The following CFAP65 variants were observed in gnomAD, a reference collection of about 807,000 sequenced individuals.
The protein encoded by CFAP65 is cilia- and flagella-associated protein 65.
In CFAP65, 155 loss-of-function variants were observed where a neutral mutation model predicts 208.0. That is an observed-to-expected ratio of 0.75 (90% confidence interval 0.65 to 0.85). The LOEUF (loss-of-function observed/expected upper bound fraction) is 0.85. Among genes scored for constraint, CFAP65 ranks in the 40% least tolerant of loss-of-function variants. CFAP65 has a pLI of 0.00. For missense variants in CFAP65, 2,294 were observed against 2,451.3 expected (o/e 0.94, Z 1.36); for synonymous variants, 970 against 986.3 (o/e 0.98, Z 0.31).
chr2:219,004,935 T>TTTTCTTTC lies in CFAP65; in HGVS notation c.5052-488_5052-481dup, dbSNP rs61214924. On this transcript the variant is annotated intron_variant, in intron 32 of 34. Coordinates refer to ENST00000341552, the MANE Select transcript of CFAP65 (RefSeq NM_194302.4). This position sits in a 1 kb window ranked among gnomAD's most constrained non-coding sequence, Gnocchi z 4.7. ...TCTTTCTCTCTCTTTCTCTCCTCTTTTTTCTTTCTTTCTTTCTTTCTTTCT... is the reference window on the plus strand; with the variant it reads ...TCTTTCTCTCTCTTTCTCTCCTCTTTTTTCTTTCTTTCTTTCTTTCTTTCTTTCTTTCT... Among the ~76,000 whole-genome samples, 4,298 of 149,096 alleles carry TTTTCTTTC rather than the reference T, an allele frequency of 0.029. 90 individuals are homozygous for TTTTCTTTC. The highest frequency in any genetic ancestry group is 0.043 in the African/African-American group (1,686 of 39,124).
chr2:219,006,127 G>C lies in CFAP65; in HGVS notation c.4816C>G (p.Pro1606Ala). ...AGGCAGAGCATGCCTGGCGAGGGTG[G>C]CTGGGGGCAGGGCCAGGACACCTCC... ...KEEVSWPCPQ[P>A]PSPGMLCLGL... is the part of the protein sequence containing the mutation. Residue 1606 changes from proline (P) to alanine (A), a missense_variant, in exon 31 of 35, where the codon CCA becomes GCA. This residue lies in a region of CFAP65 where 1,427 missense variants were observed against 1,438.7 expected (regional missense o/e 0.99). Transcript: ENST00000341552. 6.2e-7 allele frequency: 1 copy of C among 1,613,732 alleles called. No homozygotes were observed. The highest frequency in any genetic ancestry group is 8.5e-7 in the Non-Finnish European group (1 of 1,180,016).
At position 219,006,147 on chromosome 2, in the gene CFAP65, ACCTCC is replaced by A; in HGVS notation, c.4791_4795del (p.Glu1597AspfsTer31). Reference sequence around the variant, plus strand: ...GGGTGGCTGGGGGCAGGGCCAGGACACCTCCTCCTTTGGGGTCTGCAGTTTCCAGC... The same window carrying A: ...GGGTGGCTGGGGGCAGGGCCAGGACATCCTTTGGGGTCTGCAGTTTCCAGC... On this transcript the variant is annotated frameshift_variant, in exon 31 of 35. Transcript: ENST00000341552. LOFTEE classifies it high-confidence loss of function. The A allele has an allele frequency of 1.2e-6, 2 of 1,613,258 alleles. No homozygotes were observed. The highest frequency in any genetic ancestry group is 8.5e-7 in the Non-Finnish European group (1 of 1,179,846).
intron 28 of CFAP65, 84 bp downstream of exon 28, chr2:219,009,263 T>A: frequency 6.9e-7 from 1 of 1,449,798 alleles, no homozygotes; most frequent in South Asian, 1.1e-5. Flanking sequence ...TGCTGGGGTC[T>A]GGGGATCTCA....
rs1947994820 is a variant in CFAP65 at position 219,031,127 on chromosome 2, T to C, written c.994A>G (p.Ser332Gly). 5.6e-6 allele frequency: 9 copies of C among 1,596,982 alleles called. No individual in the cohort carries two copies. Among genetic ancestry groups the C allele is most frequent in the Non-Finnish European group, 6.8e-6 (8 of 1,171,752 alleles). Residue 332 changes from serine to glycine, a missense_variant, in exon 8 of 35, where the codon AGC (serine) becomes GGC (glycine). Coordinates refer to ENST00000341552, the MANE Select transcript of CFAP65 (RefSeq NM_194302.4). The surrounding 1 kb of genome is among the most constrained non-coding windows in gnomAD (Gnocchi z 5.2). ...WYGAGSRQRSSIQLQAVAKCA... is the reference protein window; with the variant it reads ...WYGAGSRQRSGIQLQAVAKCA... ...TCACCCACAGCCTGCAGCTGGATGC[T>C]GCTCCTCTGCCGGCTGCCCGCCCCG...
rs540843457 is a variant in CFAP65, at chr2:219,002,947, T to C, written c.5768A>G (p.Asp1923Gly). The C allele has an allele frequency of 2.7e-5, 42 of 1,565,358 alleles. No homozygotes were observed. In the East Asian group the frequency reaches 9.3e-4, roughly 35 times the overall value. The part of the protein sequence containing the change: ...VLHPVVPLPT[D>G]LP ...GCTGGGCGCGGGCATTTACGGAAGG[T>C]CGGTAGGAAGTGGCACCACCGGGTG... The change falls in exon 35 of 35, where the codon GAC becomes GGC. Residue 1923 changes from aspartate to glycine, a missense_variant. Physicochemically the swap from Asp to Gly is moderately conservative, Grantham distance 94. Transcript: ENST00000341552. The surrounding 1 kb of genome is among the most constrained non-coding windows in gnomAD (Gnocchi z 7.9).
chr2:219,031,293 G>A lies in CFAP65; in HGVS notation c.828C>T (p.Thr276=). ...FCLDNVGDLP[T]FFTWEFSSPF... ...GGCTGGAGAACTCCCAGGTGAAGAA[G>A]GTGGGCAGGTCCCTGGGGGTGGGGG... Residue 276 remains threonine (T), a synonymous_variant, in exon 8 of 35, where the codon ACC becomes ACT. Coordinates refer to ENST00000341552, the MANE Select transcript of CFAP65 (RefSeq NM_194302.4). This position sits in a 1 kb window ranked among gnomAD's most constrained non-coding sequence, Gnocchi z 5.2. The A allele has an allele frequency of 1.2e-6, 2 of 1,613,808 alleles. No homozygotes were observed. Among genetic ancestry groups the A allele is most frequent in the South Asian group, 2.2e-5 (2 of 91,064 alleles).
rs763055992 is a variant in CFAP65 at position 219,019,542 on chromosome 2, G to C, written c.3437C>G (p.Pro1146Arg). 44 of 1,613,106 alleles carry C rather than the reference G, an allele frequency of 2.7e-5. No homozygotes were observed. Among genetic ancestry groups the C allele is most frequent in the Admixed American group, 6.7e-5 (4 of 60,012 alleles). The change falls in exon 20 of 35, where the codon CCC (proline) becomes CGC (arginine). Residue 1146 changes from proline to arginine, a missense_variant. This residue lies in a region of CFAP65 where 1,427 missense variants were observed against 1,438.7 expected (regional missense o/e 0.99). Coordinates refer to ENST00000341552, the MANE Select transcript of CFAP65 (RefSeq NM_194302.4). The stretch of plus-strand genomic sequence containing the variant: ...GGGCACCTTGTAGGTGAGCTCACAG[G>C]GGGTGGGGTCACGCTCCAAGTAACT... ...LNSYLERDPT[P>R]CELTYKVPTR...
chr2:219,006,408 A>G, intron 30 of CFAP65, 57 bp downstream of exon 30: 1 of 1,598,522 alleles, frequency 6.3e-7, no homozygotes, highest in Non-Finnish European at 8.6e-7. Flanking sequence ...CTCTGGGAGC[A>G]AGCAAGGACC....
Position 219,010,934 on chromosome 2 carries a change from C to G in CFAP65, c.4020G>C (p.Leu1340=). ...PVTYEVQTDV[L]SQVQEKNFDH... The stretch of plus-strand genomic sequence containing the variant: ...CAAAATTTTTTTCCTGAACCTGTGA[C>G]AGGACATCGGTCTGGACCTCATATG... The change falls in exon 25 of 35, where the codon CTG becomes CTC. Residue 1340 remains leucine, a synonymous_variant. Transcript: ENST00000341552. The G allele has an allele frequency of 6.2e-7, 1 of 1,613,930 alleles. No individual in the cohort carries two copies. The highest frequency in any genetic ancestry group is 1.7e-5 in the Admixed American group (1 of 60,034).
chr2:219,009,848 G>A, intron 27 of CFAP65, 94 bp downstream of exon 27: 1 of 1,087,816 alleles, frequency 9.2e-7, no homozygotes, highest in Non-Finnish European at 1.2e-6. Flanking sequence ...TGTGGGGTGG[G>A]ATGGGATGGA....
chr2:219,003,086 G>T lies in CFAP65; in HGVS notation c.5693+49C>A. The T allele has an allele frequency of 6.5e-7, 1 of 1,546,388 alleles. No homozygotes were observed. Among genetic ancestry groups the T allele is most frequent in the South Asian group, 1.2e-5 (1 of 83,966 alleles). The stretch of plus-strand genomic sequence containing the variant: ...CTTCGGGCAGAGCCTGGCTGCCCCC[G>T]TGGCCCCTCTCGCGCGGTCTGCGCG... On this transcript the variant is annotated intron_variant, in intron 34 of 34. Coordinates refer to ENST00000341552, the MANE Select transcript of CFAP65 (RefSeq NM_194302.4). This position sits in a 1 kb window ranked among gnomAD's most constrained non-coding sequence, Gnocchi z 4.4.
rs746287779 is a variant in CFAP65, at chr2:219,003,986, C to T, written c.5521G>A (p.Glu1841Lys). The T allele has an allele frequency of 2.5e-6, 4 of 1,613,934 alleles. No homozygotes were observed. The highest frequency in any genetic ancestry group is 3.4e-6 in the Non-Finnish European group (4 of 1,179,946). The change falls in exon 33 of 35, where the codon GAG becomes AAG. Residue 1841 changes from glutamate to lysine, a missense_variant. This residue lies in a region of CFAP65 where 1,427 missense variants were observed against 1,438.7 expected (regional missense o/e 0.99). Coordinates refer to ENST00000341552, the MANE Select transcript of CFAP65 (RefSeq NM_194302.4). The surrounding 1 kb of genome is among the most constrained non-coding windows in gnomAD (Gnocchi z 4.4). Reference protein sequence around the residue: ...QQQLNVMVKEEQEQDEKEAIR... With the variant: ...QQQLNVMVKEKQEQDEKEAIR... ...GCCTCCTTCTCGTCCTGTTCTTGCTCCTCCTTCACCATGACATTCAGCTGC... is the reference window on the plus strand; with the variant it reads ...GCCTCCTTCTCGTCCTGTTCTTGCTTCTCCTTCACCATGACATTCAGCTGC...
chr2:219,022,227 C>A lies in CFAP65; in HGVS notation c.2923G>T (p.Ala975Ser). The A allele has an allele frequency of 6.2e-7, 1 of 1,606,270 alleles. No individual in the cohort carries two copies. The highest frequency in any genetic ancestry group is 8.5e-7 in the Non-Finnish European group (1 of 1,176,712). The change falls in exon 17 of 35, where the codon GCC becomes TCC. Residue 975 changes from alanine (A) to serine (S), a missense_variant. By Grantham distance (99) the Ala-to-Ser change is moderately conservative. Coordinates refer to ENST00000341552, the MANE Select transcript of CFAP65 (RefSeq NM_194302.4). ...AGCCGGAGCATGTAGTGGGTGGTGGCAGCGGGGTTGGCATTTGGGGACAGG... is the reference window on the plus strand; with the variant it reads ...AGCCGGAGCATGTAGTGGGTGGTGGAAGCGGGGTTGGCATTTGGGGACAGG... ...AGLSPNANPA[A>S]TTHYMLRLVG... is the part of the protein sequence containing the mutation.
At chr2:219,019,830 T>G (rs1427082858) in intron 19 of CFAP65, 111 bp from the exon 20 acceptor site, 16 of 775,452 alleles carry the variant, frequency 2.1e-5, no homozygotes, top group Non-Finnish European at 3.5e-5. Context: ...AGGACCCTCA[T>G]CAGGAGCAGT....
chr2:219,036,556 C>T (rs575444303), intron 4 of CFAP65, among the ~76,000 whole-genome samples: 4 of 151,786 alleles, frequency 2.6e-5, no homozygotes, highest in Non-Finnish European at 2.9e-5. Flanking sequence ...GTGATTTTCT[C>T]GCCTTAGCTT....
chr2:219,024,224 G>T lies in CFAP65; in HGVS notation c.2386C>A (p.Arg796Ser). 1 of 1,613,668 alleles carries T rather than the reference G, an allele frequency of 6.2e-7. No homozygotes were observed. Among genetic ancestry groups the T allele is most frequent in the Non-Finnish European group, 8.5e-7 (1 of 1,179,984 alleles). ...TCTTTGTTGACCAGGAGCAGGCTGC[G>T]GTAGGTGGGCTCACCGGAGGACACT... The part of the protein sequence containing the change: ...PAVSSGEPTY[R>S]SLLLVNKDCK... Residue 796 changes from arginine (R) to serine (S), a missense_variant, in exon 15 of 35, where the codon CGC becomes AGC. This residue lies in a region of CFAP65 where 1,427 missense variants were observed against 1,438.7 expected (regional missense o/e 0.99). Transcript: ENST00000341552.
At chr2:219,029,814 G>A in intron 10 of CFAP65, 146 bp from the exon 11 acceptor site, 1 of 1,157,154 alleles carries the variant, frequency 8.6e-7, no homozygotes, top group South Asian at 1.5e-5. Flanking sequence ...ATGCCAGTGG[G>A]ACTGGGATCT....
rs2106286009 is a variant in CFAP65, at chr2:219,040,553, A to G, written c.-37T>C. 6.5e-7 allele frequency: 1 copy of G among 1,550,126 alleles called. No homozygotes were observed. On this transcript the variant is annotated 5_prime_UTR_variant, in exon 2 of 35. Coordinates refer to ENST00000341552, the MANE Select transcript of CFAP65 (RefSeq NM_194302.4). ...TGAACTGGACGTTCAGATGAAATCA[A>G]AGAAATGTAAGCTGAGGAGACACAG...
At chr2:219,029,273 G>A in intron 11 of CFAP65, 130 bp downstream of exon 11, 4 of 1,218,426 alleles carry the variant, frequency 3.3e-6, no homozygotes, top group South Asian at 3.1e-5. Flanking sequence ...GGGCCCAGGA[G>A]TGGGAGACCA....
Sources: allele counts gnomAD v4.1 joint callset (sites outside exome capture counted in the v4.1 genomes callset), GRCh38; gene constraint gnomAD v4.1.1; regional missense constraint gnomAD v4.1.1; non-coding constraint Gnocchi (gnomAD v3.1); transcripts MANE v1.5; gene names NCBI Gene and HGNC (gene_info 2026-07-23, HGNC 2026-07-21).